The following DLG2 variants were observed in gnomAD, a reference collection of about 807,000 sequenced individuals.
DLG2 encodes disks large homolog 2.
A neutral mutation model predicts 132.5 loss-of-function variants in DLG2; 45 were observed. That is an observed-to-expected ratio of 0.34 (90% confidence interval 0.27 to 0.44). The LOEUF (loss-of-function observed/expected upper bound fraction) is 0.44. Ranked by LOEUF, DLG2 falls within the 20% of genes least tolerant of loss-of-function variation. DLG2 has a pLI of 1.00. For synonymous variants in DLG2, 424 were observed against 419.6 expected (o/e 1.01, Z -0.13); for missense variants, 1,045 against 1,196.9 (o/e 0.87, Z 1.87).
intron 18 of DLG2, among the ~76,000 whole-genome samples, chr11:83,704,880 A>C (rs1033705371): frequency 2.0e-5 from 3 of 152,102 alleles, no homozygotes; most frequent in African/African-American, 7.2e-5. Flanking sequence ...ATAACCTTAA[A>C]GTCACTGAAA....
intron 4 of DLG2, among the ~76,000 whole-genome samples, chr11:85,248,722 A>G (rs897030433): frequency 2.6e-5 from 4 of 152,106 alleles, no homozygotes; most frequent in Admixed American, 1.3e-4. Flanking sequence ...AGAAATAAGG[A>G]AGTGCTAACA....
chr11:84,520,539 C>G (rs1161524417), intron 7 of DLG2, among the ~76,000 whole-genome samples: 1 of 152,194 alleles, frequency 6.6e-6, no homozygotes, highest in African/African-American at 2.4e-5. Flanking sequence ...GTCCCACATA[C>G]TGACAACTCC....
chr11:84,830,951 TCCCCCCACC>T (rs1213260192), intron 6 of DLG2, among the ~76,000 whole-genome samples: 3 of 60,376 alleles, frequency 5.0e-5, no homozygotes, highest in Admixed American at 1.7e-4. Flanking sequence ...CTCTCTCTCC[TCCCCCCACC>T]CCCCCCAGCT....
At chr11:85,523,797 C>G (rs1308512613) in intron 3 of DLG2, among the ~76,000 whole-genome samples, 4 of 152,160 alleles carry the variant, frequency 2.6e-5, no homozygotes, top group Non-Finnish European at 5.9e-5. Context: ...TATTGCAGCA[C>G]TATTTACAAT....
intron 4 of DLG2, among the ~76,000 whole-genome samples, chr11:85,169,566 A>G (rs72945910): frequency 0.05 from 7,533 of 152,170 alleles, 273 homozygotes; most frequent in East Asian, 0.095. Flanking sequence ...GATTTTTAGG[A>G]GAGTTGATTG....
intron 8 of DLG2, among the ~76,000 whole-genome samples, chr11:84,212,974 G>T (rs79941953): frequency 0.12 from 18,108 of 152,114 alleles, 1,306 homozygotes; most frequent in East Asian, 0.22. Flanking sequence ...TCACTTTTAT[G>T]AGACGGGGTA....
At chr11:83,883,333 A>G (rs2066851488) in intron 15 of DLG2, among the ~76,000 whole-genome samples, 1 of 152,230 alleles carries the variant, frequency 6.6e-6, no homozygotes. Flanking sequence ...TTGTAAGGCC[A>G]GAAACCTGGG....
At chr11:84,736,120 TTTAA>T (rs1404906085) in intron 6 of DLG2, among the ~76,000 whole-genome samples, 5 of 150,034 alleles carry the variant, frequency 3.3e-5, no homozygotes, top group Admixed American at 6.6e-5. Flanking sequence ...CACATGTATA[TTTAA>T]TTGTTTCTGT....
chr11:85,267,845 C>T (rs1404732307), intron 4 of DLG2, among the ~76,000 whole-genome samples: 3 of 151,598 alleles, frequency 2.0e-5, no homozygotes, highest in Non-Finnish European at 4.4e-5. Flanking sequence ...AGACAGTTTA[C>T]CCCACACAAC....
At chr11:84,536,055 T>C (rs963011231) in intron 6 of DLG2, among the ~76,000 whole-genome samples, 1 of 152,048 alleles carries the variant, frequency 6.6e-6, no homozygotes, top group Non-Finnish European at 1.5e-5. Context: ...TGTTGTTCAC[T>C]CTTCCTCAGA....
chr11:84,809,405 A>G (rs967018259), intron 6 of DLG2, among the ~76,000 whole-genome samples: 13 of 151,734 alleles, frequency 8.6e-5, no homozygotes, highest in African/African-American at 2.7e-4. Flanking sequence ...ACTCTTATTT[A>G]CCATAATGCT....
intron 4 of DLG2, among the ~76,000 whole-genome samples, chr11:85,265,485 G>C (rs1351857555): frequency 6.6e-6 from 1 of 152,084 alleles, no homozygotes; most frequent in Non-Finnish European, 1.5e-5. Context: ...TCCTTCCATG[G>C]CAGCACTCTG....
At position 85,121,396 on chromosome 11, in the gene DLG2, TTA is replaced by T. The variant is rs143276674; in HGVS notation, c.283-9663_283-9662del. ...TTATAGTATATTTATGATAAATATG[TTA>T]TATATATATTATAAAGTCAAATAAT... On this transcript the variant is annotated intron_variant, in intron 5 of 27. Coordinates refer to ENST00000376104, the MANE Select transcript of DLG2 (RefSeq NM_001142699.3). 9.4e-3 allele frequency among the ~76,000 whole-genome samples: 1,420 copies of T among 150,788 alleles called. 19 individuals carry two copies. Among genetic ancestry groups the T allele is most frequent in the African/African-American group, 0.031 (1,285 of 41,290 alleles).
At chr11:84,457,797 C>A (rs1440251559) in intron 7 of DLG2, among the ~76,000 whole-genome samples, 2 of 150,794 alleles carry the variant, frequency 1.3e-5, no homozygotes, top group African/African-American at 4.9e-5. Flanking sequence ...TAAATTCGTG[C>A]AAAATTGATT....
rs534077206 is a variant in DLG2 at position 85,529,222 on chromosome 11, C to G, written c.40+69435G>C. Among the ~76,000 whole-genome samples the G allele has an allele frequency of 1.6e-4, 25 of 152,276 alleles. No individual in the cohort carries two copies. In the South Asian group the frequency reaches 5.0e-3, roughly 30 times the overall value. ...GATGGAACTCTCCTTCACCTACATT[C>G]CTGAGTGAGGTCCACGTAAAGAGCC... On this transcript the variant is annotated intron_variant, in intron 3 of 27. Transcript: ENST00000376104.
chr11:85,384,802 C>G (rs1021237504), intron 3 of DLG2, among the ~76,000 whole-genome samples: 1 of 152,082 alleles, frequency 6.6e-6, no homozygotes. Context: ...CAACCCCTGT[C>G]CTTGAGTGAT....
chr11:83,634,732 T>C (rs1297433066), intron 18 of DLG2, among the ~76,000 whole-genome samples: 1 of 152,194 alleles, frequency 6.6e-6, no homozygotes, highest in African/African-American at 2.4e-5. Context: ...TGGATATGTA[T>C]TGATTAATGT....
chr11:83,794,437 GTTTTT>G (rs200672667), intron 17 of DLG2, among the ~76,000 whole-genome samples: 88,052 of 127,690 alleles, frequency 0.69, 28,716 homozygotes, highest in Middle Eastern at 0.84. Context: ...TTTACTATTG[GTTTTT>G]TTTTTTTTTT....
intron 6 of DLG2, among the ~76,000 whole-genome samples, chr11:84,737,530 G>A: frequency 6.7e-6 from 1 of 148,958 alleles, no homozygotes. Context: ...GAGAGAGAAT[G>A]TGATGTGTAT....
Sources: gnomAD v4.1 joint callset for allele counts (sites outside exome capture counted in the v4.1 genomes callset) on GRCh38, gnomAD v4.1.1 for gene constraint, MANE v1.5 for transcripts, NCBI Gene and HGNC (gene_info 2026-07-23, HGNC 2026-07-21) for gene names.